The following ROBO2 variants were observed in gnomAD, a reference collection of about 807,000 sequenced individuals.
ROBO2 encodes roundabout guidance receptor 2, also known as roundabout homolog 2.
A neutral mutation model predicts 160.8 loss-of-function variants in ROBO2; 53 were observed. The observed-to-expected ratio is 0.33, with a 90% CI of 0.26 to 0.41. The LOEUF (loss-of-function observed/expected upper bound fraction) is 0.41. ROBO2 is among the 10% of genes least tolerant of loss of function. The pLI, the probability that ROBO2 is intolerant of heterozygous loss-of-function variation, is 1.00. For synonymous variants in ROBO2, 664 were observed against 611.7 expected, an observed-to-expected ratio of 1.09 and a Z score of -1.26; for missense variants, 1,577 against 1,722.4, an observed-to-expected ratio of 0.92 and a Z score of 1.49.
chr3:76,573,397 G>C (rs1231182375), intron 2 of ROBO2, among the ~76,000 whole-genome samples: 2 of 152,044 alleles, frequency 1.3e-5, no homozygotes, highest in Non-Finnish European at 2.9e-5. Flanking sequence ...GGTGCTCTAA[G>C]GAATTGCAAC....
intron 2 of ROBO2, among the ~76,000 whole-genome samples, chr3:76,845,250 T>C (rs1559593114): frequency 6.6e-6 from 1 of 151,998 alleles, no homozygotes; most frequent in Non-Finnish European, 1.5e-5. Flanking sequence ...TCAGATGCAA[T>C]TTAGTATCTT....
At chr3:75,981,212 T>C (rs985883955) in intron 2 of ROBO2, among the ~76,000 whole-genome samples, 8 of 151,516 alleles carry the variant, frequency 5.3e-5, no homozygotes, top group African/African-American at 1.9e-4. Flanking sequence ...GTGAAGAAAT[T>C]GGGCAAAATA....
Position 77,051,809 on chromosome 3 carries a change from A to G in ROBO2, c.61+10963A>G, listed in dbSNP as rs932231173. 5.9e-5 allele frequency among the ~76,000 whole-genome samples: 9 copies of G among 152,188 alleles called. No homozygotes were observed. The East Asian group carries it at 1.5e-3, about 26-fold the overall frequency. On this transcript the variant is annotated intron_variant, in intron 1 of 25. Coordinates refer to ENST00000461745, the Ensembl canonical transcript of ROBO2. ...CTGGGAGGGGCAATCTCCCTGAACT[A>G]TAAGGGGAGGGGACGAAAGAGTGTG...
In ROBO2 at chr3:76,113,487, A is replaced by G. The variant is rs17013803; in HGVS notation, c.109+175885A>G. Reference sequence around the variant, plus strand: ...CTTTTAGCAACAGATGTGTGAGCAGACTCTGAGTAACAGCCCATTACATAT... The same window carrying G: ...CTTTTAGCAACAGATGTGTGAGCAGGCTCTGAGTAACAGCCCATTACATAT... On this transcript the variant is annotated intron_variant, in intron 2 of 26. Coordinates refer to the ROBO2 transcript ENST00000487694. 5.8e-3 allele frequency among the ~76,000 whole-genome samples: 884 copies of G among 152,218 alleles called. 14 individuals are homozygous for G. The highest frequency in any genetic ancestry group is 0.021 in the African/African-American group (853 of 41,546).
At chr3:77,096,457 T>A (rs2071075964) in intron 1 of ROBO2, among the ~76,000 whole-genome samples, 1 of 151,756 alleles carries the variant, frequency 6.6e-6, no homozygotes, top group Admixed American at 6.6e-5. Flanking sequence ...TTTTTCTTTT[T>A]TTTTTTTTGA....
At chr3:75,958,530 G>A (rs1948797502) in intron 2 of ROBO2, among the ~76,000 whole-genome samples, 1 of 151,702 alleles carries the variant, frequency 6.6e-6, no homozygotes, top group Non-Finnish European at 1.5e-5. Flanking sequence ...ATAAATAGGA[G>A]TTTGCTGGAT....
intron 2 of ROBO2, among the ~76,000 whole-genome samples, chr3:76,907,823 G>GGGGGGTGTGT (rs112697690): frequency 6.9e-6 from 1 of 145,432 alleles, no homozygotes; most frequent in Non-Finnish European, 1.5e-5. Flanking sequence ...GTTTGTTTGG[G>GGGGGGTGTGT]GTGTGTGTGT....
chr3:76,139,880 G>A (rs149553196), intron 2 of ROBO2, among the ~76,000 whole-genome samples: 41 of 152,054 alleles, frequency 2.7e-4, no homozygotes, highest in Middle Eastern at 3.4e-3. Flanking sequence ...TCTTCCAAGC[G>A]TCAGCTGGAT....
chr3:76,521,651 G>A (rs2107893946), intron 2 of ROBO2, among the ~76,000 whole-genome samples: 1 of 152,260 alleles, frequency 6.6e-6, no homozygotes. Flanking sequence ...AAATAATGGT[G>A]AAGTCTCTAT....
In ROBO2 at chr3:77,483,401, T is replaced by C. The variant is rs144496936; in HGVS notation, c.667+2182T>C. Among the ~76,000 whole-genome samples, 246 of 152,202 alleles carry C rather than the reference T, an allele frequency of 1.6e-3. 1 individual carries two copies. The highest frequency in any genetic ancestry group is 5.7e-3 in the African/African-American group (236 of 41,560). ...ACAGTGTACTATTAATAGGGAGGTC[T>C]TCTTTATTTTATGCTGGTGCTCCTA... On this transcript the variant is annotated intron_variant, in intron 4 of 25. Transcript: ENST00000461745.
chr3:77,146,275 CA>C (rs2077113913), intron 2 of ROBO2, among the ~76,000 whole-genome samples: 1 of 152,020 alleles, frequency 6.6e-6, no homozygotes, highest in South Asian at 2.1e-4. Flanking sequence ...TAAATAGACA[CA>C]GGAGGGTGGA....
chr3:76,356,115 C>A (rs1188573540), intron 2 of ROBO2, among the ~76,000 whole-genome samples: 1 of 151,564 alleles, frequency 6.6e-6, no homozygotes, highest in Non-Finnish European at 1.5e-5. Flanking sequence ...TATAAATATA[C>A]ATGTTTCATC....
intron 2 of ROBO2, among the ~76,000 whole-genome samples, chr3:77,335,343 G>T (rs2066385794): frequency 6.6e-6 from 1 of 152,128 alleles, no homozygotes; most frequent in South Asian, 2.1e-4. Context: ...GGAGGTGGAG[G>T]TTGCAGTGAA....
chr3:76,485,629 G>GT (rs1475644330), intron 2 of ROBO2, among the ~76,000 whole-genome samples: 1 of 152,074 alleles, frequency 6.6e-6, no homozygotes, highest in Non-Finnish European at 1.5e-5. Flanking sequence ...GGTGTCACCT[G>GT]TTTTTTTCAG....
At chr3:76,234,866 C>G (rs1320886981) in intron 2 of ROBO2, among the ~76,000 whole-genome samples, 1 of 152,132 alleles carries the variant, frequency 6.6e-6, no homozygotes, top group Non-Finnish European at 1.5e-5. Context: ...AAGAAGAAAA[C>G]TCATTTCCTA....
chr3:77,072,133 G>A (rs1328456118), intron 1 of ROBO2, among the ~76,000 whole-genome samples: 1 of 152,080 alleles, frequency 6.6e-6, no homozygotes, highest in Non-Finnish European at 1.5e-5. Context: ...CCCTGTTTGT[G>A]AACTGTGCAT....
intron 2 of ROBO2, among the ~76,000 whole-genome samples, chr3:76,590,771 T>C (rs1485910135): frequency 1.3e-5 from 2 of 152,108 alleles, no homozygotes; most frequent in Non-Finnish European, 2.9e-5. Flanking sequence ...TTATTGACAC[T>C]TTCTCAAAAC....
chr3:76,144,359 C>T (rs934311483), intron 2 of ROBO2, among the ~76,000 whole-genome samples: 1 of 151,910 alleles, frequency 6.6e-6, no homozygotes, highest in African/African-American at 2.4e-5. Flanking sequence ...TCCATGAAGC[C>T]TTCATTTGTG....
chr3:76,431,020 C>T (rs1002114941), intron 2 of ROBO2, among the ~76,000 whole-genome samples: 7 of 152,116 alleles, frequency 4.6e-5, no homozygotes, highest in African/African-American at 1.7e-4. Context: ...ATGAAGTCAA[C>T]AGTACAACTA....
Sources: gnomAD v4.1 joint callset for allele counts (sites outside exome capture counted in the v4.1 genomes callset) on GRCh38, gnomAD v4.1.1 for gene constraint, MANE v1.5 for transcripts, NCBI Gene and HGNC (gene_info 2026-07-23, HGNC 2026-07-21) for gene names.